SNX24: variants seen among roughly 807,000 people sequenced by gnomAD.
The protein encoded by SNX24 is sorting nexin-24.
SNX24 carries 22 observed loss-of-function variants against 28.7 expected under a neutral mutation model. The observed-to-expected ratio is 0.77, with a 90% confidence interval of 0.55 to 1.10. The LOEUF is 1.10. SNX24 is among the 50% of genes least tolerant of loss of function. The pLI is 0.00. For missense variants in SNX24, 221 were observed against 201.1 expected (o/e 1.10, Z -0.60); for synonymous variants, 69 against 71.5 (o/e 0.96, Z 0.18).
At chr5:122,934,772 G>T (rs1374727747) in intron 1 of SNX24, among the ~76,000 whole-genome samples, 1 of 152,126 alleles carries the variant, frequency 6.6e-6, no homozygotes, top group Admixed American at 6.5e-5. Flanking sequence ...ATAGTATTAG[G>T]CATATTGTGT....
intron 1 of SNX24, among the ~76,000 whole-genome samples, chr5:122,898,672 C>A (rs988161865): frequency 6.6e-6 from 1 of 152,112 alleles, no homozygotes; most frequent in Admixed American, 6.5e-5. Flanking sequence ...AAAATGAAAT[C>A]AAAATAAATA....
At chr5:122,870,530 G>A (rs535147989) in intron 1 of SNX24, among the ~76,000 whole-genome samples, 1 of 152,264 alleles carries the variant, frequency 6.6e-6, no homozygotes, top group African/African-American at 2.4e-5. Context: ...ACAGCATATT[G>A]TCCATGGCTG....
chr5:122,862,291 A>G (rs546045151), intron 1 of SNX24, among the ~76,000 whole-genome samples: 16 of 152,096 alleles, frequency 1.1e-4, no homozygotes, highest in Non-Finnish European at 1.0e-4. Context: ...TTAAGGGGAG[A>G]GAAACATCAG....
chr5:122,846,925 A>C (rs866204267), intron 1 of SNX24, among the ~76,000 whole-genome samples: 7 of 143,386 alleles, frequency 4.9e-5, no homozygotes, highest in Middle Eastern at 7.7e-3. Flanking sequence ...TTCCTTAAAA[A>C]CAAACAAACA....
At chr5:123,000,046 T>A in intron 4 of SNX24, 40 bp downstream of exon 4, 1 of 1,276,362 alleles carries the variant, frequency 7.8e-7, no homozygotes, top group Non-Finnish European at 1.1e-6. Flanking sequence ...TATTTTAAAT[T>A]ACTCTTCAAT....
chr5:122,871,476 A>G (rs1755976537), intron 1 of SNX24, among the ~76,000 whole-genome samples: 1 of 152,108 alleles, frequency 6.6e-6, no homozygotes, highest in Non-Finnish European at 1.5e-5. Context: ...AACTTAAGAA[A>G]AGCTTTTCTG....
At chr5:122,923,678 C>T (rs1758545947) in intron 1 of SNX24, among the ~76,000 whole-genome samples, 1 of 152,178 alleles carries the variant, frequency 6.6e-6, no homozygotes, top group Admixed American at 6.5e-5. Context: ...ATGCTGTTCC[C>T]AAGCAACCTT....
chr5:122,915,914 C>T (rs1758139272), intron 1 of SNX24, among the ~76,000 whole-genome samples: 2 of 152,266 alleles, frequency 1.3e-5, no homozygotes, highest in African/African-American at 4.8e-5. Context: ...CCCCAGGCTT[C>T]AGGCCTGTTT....
At chr5:122,971,456 GC>G (rs2150147820) in intron 3 of SNX24, among the ~76,000 whole-genome samples, 1 of 152,088 alleles carries the variant, frequency 6.6e-6, no homozygotes, top group East Asian at 1.9e-4. Flanking sequence ...ACCATCACAA[GC>G]CCACCCCTCG....
At chr5:122,980,567 G>C (rs991628916) in intron 3 of SNX24, among the ~76,000 whole-genome samples, 2 of 151,754 alleles carry the variant, frequency 1.3e-5, no homozygotes, top group Admixed American at 1.3e-4. Flanking sequence ...TCTTCTAGTA[G>C]TAGAAAACTC....
Position 122,946,169 on chromosome 5 carries a change from GT to G in SNX24, c.249+13del. On this transcript the variant is annotated intron_variant, in intron 3 of 6. Transcript: ENST00000261369. ...GGAAACATACTTACAGGTAAGATAT[GT>G]TTAGATCCTCATTTTATATAACATA... 1 of 1,468,084 alleles carries G rather than the reference GT, an allele frequency of 6.8e-7. No homozygotes were observed. The highest frequency in any genetic ancestry group is 9.5e-7 in the Non-Finnish European group (1 of 1,053,014). 90.9% of individuals were successfully genotyped at this position (1,468,084 alleles called of 1,614,324 possible). A position where few individuals can be genotyped will look rare whatever the true frequency, so the allele number is the denominator to read the frequency against.
intron 1 of SNX24, among the ~76,000 whole-genome samples, chr5:122,928,227 C>T (rs1255497097): frequency 2.0e-5 from 3 of 152,138 alleles, no homozygotes; most frequent in Admixed American, 6.5e-5. Context: ...CTTCCATCTG[C>T]CTGGACCAAC....
rs566809496 is a variant in SNX24, at chr5:122,918,522, T to C, written c.61-18212T>C. 7.2e-5 allele frequency among the ~76,000 whole-genome samples: 11 copies of C among 152,352 alleles called. No homozygotes were observed. In the South Asian group the frequency reaches 2.3e-3, roughly 32 times the overall value. On this transcript the variant is annotated intron_variant, in intron 1 of 6. Transcript: ENST00000261369. ...TGCTTCATAAGTAATCATATTTACT[T>C]GTCTTCTTTGCTAAGTTTTAAGCCT... is the stretch of plus-strand genomic sequence containing the variant.
At chr5:122,848,643 A>T (rs964136338) in intron 1 of SNX24, among the ~76,000 whole-genome samples, 1 of 151,954 alleles carries the variant, frequency 6.6e-6, no homozygotes, top group Non-Finnish European at 1.5e-5. Flanking sequence ...CCGGAGGCGG[A>T]GGTTGCAGAG....
At chr5:122,920,954 A>G (rs971385631) in intron 1 of SNX24, among the ~76,000 whole-genome samples, 4 of 152,266 alleles carry the variant, frequency 2.6e-5, no homozygotes, top group Non-Finnish European at 4.4e-5. Flanking sequence ...TCAAACTCCT[A>G]ACGTCAAGTG....
intron 2 of SNX24, among the ~76,000 whole-genome samples, chr5:122,943,554 C>T (rs1358127814): frequency 6.6e-6 from 1 of 152,224 alleles, no homozygotes; most frequent in African/African-American, 2.4e-5. Flanking sequence ...CAAGCTCATT[C>T]AGGCAGAATT....
At chr5:122,929,186 A>G (rs1758842073) in intron 1 of SNX24, among the ~76,000 whole-genome samples, 2 of 152,048 alleles carry the variant, frequency 1.3e-5, no homozygotes, top group African/African-American at 4.8e-5. Flanking sequence ...GTGTCTCTTC[A>G]CTGCCTGGCT....
At chr5:122,887,301 C>A (rs1756762728) in intron 1 of SNX24, among the ~76,000 whole-genome samples, 1 of 152,200 alleles carries the variant, frequency 6.6e-6, no homozygotes, top group African/African-American at 2.4e-5. Context: ...AGTCTGCTGT[C>A]AGCCTAATTG....
intron 3 of SNX24, among the ~76,000 whole-genome samples, chr5:122,985,322 G>A (rs767753087): frequency 4.1e-4 from 62 of 152,160 alleles, no homozygotes; most frequent in Admixed American, 1.4e-3. Flanking sequence ...ACCAGAAGGT[G>A]GTGAGAGAAG....
Sources: gnomAD v4.1 joint callset for allele counts (sites outside exome capture counted in the v4.1 genomes callset) on GRCh38, gnomAD v4.1.1 for gene constraint, MANE v1.5 for transcripts, NCBI Gene and HGNC (gene_info 2026-07-23, HGNC 2026-07-21) for gene names.